The following RIGI variants were observed in gnomAD, a reference collection of about 807,000 sequenced individuals.
RIGI encodes antiviral innate immune response receptor RIG-I.
At chr9:32,498,155 C>A in the RIGI span, among the ~76,000 whole-genome samples, 3 of 152,190 alleles carry the variant, frequency 2.0e-5, no homozygotes, top group Non-Finnish European at 2.9e-5. Flanking sequence ...CCACCAACCA[C>A]AGAGTGGGTC....
At chr9:32,521,633 A>G in the RIGI span, among the ~76,000 whole-genome samples, 1 of 152,132 alleles carries the variant, frequency 6.6e-6, no homozygotes, top group South Asian at 2.1e-4. Context: ...TTGAATTCCA[A>G]TACAGACAGA....
chr9:32,462,402 A>G, the RIGI span, among the ~76,000 whole-genome samples: 2 of 123,408 alleles, frequency 1.6e-5, no homozygotes, highest in African/African-American at 5.9e-5. Context: ...AATTAGATCT[A>G]GCTTTTTTTT....
At chr9:32,479,537 T>C in the RIGI span, among the ~76,000 whole-genome samples, 1 of 152,092 alleles carries the variant, frequency 6.6e-6, no homozygotes, top group East Asian at 1.9e-4. Context: ...GTTTCCTCTT[T>C]ATGTAAAAAT....
At chr9:32,517,841 T>C in the RIGI span, among the ~76,000 whole-genome samples, 4 of 152,200 alleles carry the variant, frequency 2.6e-5, no homozygotes, top group African/African-American at 9.6e-5. Flanking sequence ...GATGCAGAAA[T>C]AATCTAGATA....
chr9:32,470,710 T>C, the RIGI span, among the ~76,000 whole-genome samples: 16 of 152,224 alleles, frequency 1.1e-4, no homozygotes, highest in Admixed American at 2.0e-4. Context: ...AATGGAAATG[T>C]GGAAATATAC....
chr9:32,502,559 G>C, the RIGI span, among the ~76,000 whole-genome samples: 2 of 152,192 alleles, frequency 1.3e-5, no homozygotes, highest in Non-Finnish European at 2.9e-5. Context: ...TTAGTTTCCT[G>C]TGGCTGCAAT....
At chr9:32,470,023 C>G in the RIGI span, among the ~76,000 whole-genome samples, 17 of 152,188 alleles carry the variant, frequency 1.1e-4, no homozygotes, top group African/African-American at 4.1e-4. Context: ...CATGAAAATT[C>G]AAATGCAGGC....
chr9:32,509,940 T>A, the RIGI span, among the ~76,000 whole-genome samples: 2 of 151,804 alleles, frequency 1.3e-5, no homozygotes, highest in African/African-American at 4.8e-5. Context: ...TTGTGAAGCA[T>A]ACACAACTAT....
At chr9:32,471,531 T>C in the RIGI span, among the ~76,000 whole-genome samples, 377 of 152,240 alleles carry the variant, frequency 2.5e-3, 1 homozygote, top group African/African-American at 8.2e-3. Context: ...AGAAGAAAAA[T>C]ATAAATAAGA....
At chr9:32,465,557 C>A in the RIGI span, among the ~76,000 whole-genome samples, 2 of 152,142 alleles carry the variant, frequency 1.3e-5, no homozygotes, top group African/African-American at 4.8e-5. Context: ...CATGACCACC[C>A]TGGGAGTTAA....
the RIGI span, among the ~76,000 whole-genome samples, chr9:32,482,113 A>G: frequency 1.1e-4 from 17 of 151,084 alleles, no homozygotes; most frequent in African/African-American, 3.4e-4. Flanking sequence ...TAATATGACA[A>G]CCTCCAAACT....
chr9:32,492,575 T>C, the RIGI span: 234 of 1,609,974 alleles, frequency 1.5e-4, 1 homozygote, highest in African/African-American at 2.9e-3. Flanking sequence ...ATCAATTATC[T>C]CAAAAGTTTT....
At chr9:32,491,530 A>C in the RIGI span, 1 of 810,276 alleles carries the variant, frequency 1.2e-6, no homozygotes, top group African/African-American at 1.8e-5. Context: ...TTCTATTAAA[A>C]TTTCTCACAA....
the RIGI span, among the ~76,000 whole-genome samples, chr9:32,462,332 A>G: frequency 6.6e-6 from 1 of 151,914 alleles, no homozygotes. Flanking sequence ...CGGATCATAC[A>G]TAGATAATAT....
the RIGI span, among the ~76,000 whole-genome samples, chr9:32,460,084 T>C: frequency 1.1e-3 from 160 of 152,336 alleles, 1 homozygote; most frequent in African/African-American, 3.6e-3. Flanking sequence ...ATGATAGTGA[T>C]TGTGTCTCAC....
the RIGI span, chr9:32,493,831 A>C: frequency 6.2e-7 from 1 of 1,611,498 alleles, no homozygotes; most frequent in Non-Finnish European, 8.5e-7. Context: ...GGTTGGGATA[A>C]TTCTGGTTTT....
At chr9:32,477,074 A>T in the RIGI span, 16 of 1,614,146 alleles carry the variant, frequency 9.9e-6, no homozygotes, top group South Asian at 1.8e-4. Flanking sequence ...GAGGTCTTCA[A>T]GTTTAGGATT....
the RIGI span, among the ~76,000 whole-genome samples, chr9:32,463,889 C>CTTTTTTTTTTTTTTTTTTTTAT: frequency 2.9e-5 from 4 of 135,798 alleles, no homozygotes; most frequent in Non-Finnish European, 4.8e-5. Context: ...ATTCTGATTT[C>CTTTTTTTTTTTTTTTTTTTTAT]AAATAAACCT....
At chr9:32,488,121 A>C in the RIGI span, 2 of 1,614,136 alleles carry the variant, frequency 1.2e-6, no homozygotes, top group Non-Finnish European at 1.7e-6. Flanking sequence ...TGTGGAGTTA[A>C]AATGATGATG....
Sources: allele counts gnomAD v4.1 joint callset (sites outside exome capture counted in the v4.1 genomes callset), GRCh38; gene constraint gnomAD v4.1.1; transcripts MANE v1.5; gene names NCBI Gene and HGNC (gene_info 2026-07-23, HGNC 2026-07-21).